The following ARSG variants were observed in gnomAD, a reference collection of about 807,000 sequenced individuals.
ARSG encodes the protein ASG.
In ARSG, 37 loss-of-function variants were observed where a neutral mutation model predicts 50.5. The ratio of observed to expected loss-of-function variants is 0.73; its 90% CI spans 0.56 to 0.96. The LOEUF is 0.96. Ranked by LOEUF, ARSG falls within the 50% of genes least tolerant of loss-of-function variation. ARSG has a pLI of 0.00. For synonymous variants in ARSG, 225 were observed against 254.6 expected (o/e 0.88, Z 1.11); for missense variants, 629 against 675.3 (o/e 0.93, Z 0.76).
chr17:68,435,143 G>T, the ARSG span, among the ~76,000 whole-genome samples: 99 of 151,028 alleles, frequency 6.6e-4, no homozygotes, highest in Middle Eastern at 0.014. Flanking sequence ...GGAGGCGGAG[G>T]TTGCAGTGAG....
chr17:68,275,197 T>C lies in ARSG; in HGVS notation c.-552+15771T>C, dbSNP rs151232003. Among the ~76,000 whole-genome samples, 293 of 152,366 alleles carry C rather than the reference T, an allele frequency of 1.9e-3. 2 individuals carry two copies. Among genetic ancestry groups the C allele is most frequent in the African/African-American group, 6.7e-3 (278 of 41,588 alleles). On this transcript the variant is annotated intron_variant, in intron 1 of 11. Transcript: ENST00000448504. ...CATCATTTGCTTAGCTTCTATAAGCTGTATCCCCTAGGACATTTAAATCTG... is the reference window on the plus strand; with the variant it reads ...CATCATTTGCTTAGCTTCTATAAGCCGTATCCCCTAGGACATTTAAATCTG...
At chr17:68,393,881 A>AT (rs1244325058) in intron 9 of ARSG, among the ~76,000 whole-genome samples, 1 of 150,806 alleles carries the variant, frequency 6.6e-6, no homozygotes, top group Non-Finnish European at 1.5e-5. Flanking sequence ...AAAAAAAAAA[A>AT]GGGAAAGAAA....
chr17:68,425,093 CCCGAG>C (rs1383340890), downstream of ARSG, among the ~76,000 whole-genome samples: 1 of 152,226 alleles, frequency 6.6e-6, no homozygotes, highest in Non-Finnish European at 1.5e-5. Context: ...CTCAGCCAGC[CCCGAG>C]GGCCCTAGCT....
chr17:68,345,019 G>C (rs2078442504), intron 3 of ARSG, among the ~76,000 whole-genome samples: 1 of 152,184 alleles, frequency 6.6e-6, no homozygotes, highest in South Asian at 2.1e-4. Flanking sequence ...CAGGCTGTAG[G>C]AGAGACCAAT....
chr17:68,323,780 A>G (rs191243394), intron 2 of ARSG, among the ~76,000 whole-genome samples: 35 of 152,288 alleles, frequency 2.3e-4, no homozygotes, highest in Middle Eastern at 3.4e-3. Context: ...ACTGTCAAAG[A>G]TCAATCCACA....
chr17:68,419,298 C>T (rs1012570135), intron 11 of ARSG, among the ~76,000 whole-genome samples: 28 of 152,296 alleles, frequency 1.8e-4, no homozygotes, highest in South Asian at 1.0e-3. Context: ...TGGTGGCTCA[C>T]GCCTGTAATC....
chr17:68,310,080 T>A (rs1033370654), intron 2 of ARSG, among the ~76,000 whole-genome samples: 18 of 151,328 alleles, frequency 1.2e-4, no homozygotes, highest in Admixed American at 4.6e-4. Context: ...TTCAAGCGAT[T>A]CTCCTGCCTC....
intron 1 of ARSG, among the ~76,000 whole-genome samples, chr17:68,260,134 A>G (rs1205676735): frequency 6.6e-6 from 1 of 152,236 alleles, no homozygotes; most frequent in Admixed American, 6.5e-5. Flanking sequence ...TTTGGAAAGC[A>G]GAGTCGTAAA....
chr17:68,329,559 CAGTCTA>C (rs1357505410), intron 2 of ARSG, among the ~76,000 whole-genome samples: 2 of 152,162 alleles, frequency 1.3e-5, no homozygotes, highest in Non-Finnish European at 2.9e-5. Context: ...GAGATGAGCA[CAGTCTA>C]AGAAAACTTT....
At chr17:68,305,174 TA>T (rs147439394) in intron 1 of ARSG, among the ~76,000 whole-genome samples, 1,784 of 152,298 alleles carry the variant, frequency 0.012, 30 homozygotes, top group African/African-American at 0.041. Context: ...CTTGCAAATT[TA>T]GGGCTTTTAA....
chr17:68,434,070 C>G, the ARSG span, among the ~76,000 whole-genome samples: 1 of 151,944 alleles, frequency 6.6e-6, no homozygotes, highest in African/African-American at 2.4e-5. Flanking sequence ...GCGCCCGGCC[C>G]ATAGTCTTAT....
intron 2 of ARSG, among the ~76,000 whole-genome samples, chr17:68,333,630 A>AT (rs1457832621): frequency 0.011 from 1,034 of 93,922 alleles, 15 homozygotes; most frequent in African/African-American, 0.034. Context: ...CTCTGTCTCA[A>AT]AAATAATAAT....
the ARSG span, among the ~76,000 whole-genome samples, chr17:68,449,619 C>T: frequency 3.9e-5 from 6 of 152,142 alleles, no homozygotes; most frequent in Non-Finnish European, 7.3e-5. Context: ...GTAGTACCCC[C>T]CACCCGTCTC....
intron 4 of ARSG, among the ~76,000 whole-genome samples, chr17:68,350,773 A>G (rs2078724475): frequency 6.6e-6 from 1 of 150,992 alleles, no homozygotes; most frequent in African/African-American, 2.4e-5. Flanking sequence ...TGACAGAGCG[A>G]GACTCCGTCT....
At chr17:68,326,801 C>T (rs574193388) in intron 2 of ARSG, among the ~76,000 whole-genome samples, 2 of 152,280 alleles carry the variant, frequency 1.3e-5, no homozygotes, top group African/African-American at 4.8e-5. Context: ...CCACCTTTCC[C>T]GTGTTGTGTC....
intron 1 of ARSG, among the ~76,000 whole-genome samples, chr17:68,280,929 A>G (rs1555752511): frequency 6.6e-6 from 1 of 152,156 alleles, no homozygotes; most frequent in African/African-American, 2.4e-5. Context: ...GTTTGAGACC[A>G]GCCTGGGCAA....
chr17:68,326,493 C>T (rs545728702), intron 2 of ARSG, among the ~76,000 whole-genome samples: 45 of 152,260 alleles, frequency 3.0e-4, no homozygotes, highest in African/African-American at 1.0e-3. Flanking sequence ...GGTGAAACTC[C>T]GTCTCTACTC....
At chr17:68,359,617 G>T (rs1203598407) in intron 6 of ARSG, 2 of 152,236 alleles carry the variant, frequency 1.3e-5, no homozygotes, top group African/African-American at 4.8e-5. Flanking sequence ...GACTCTACCT[G>T]TGGCTAAGTG....
At chr17:68,444,396 A>T in the ARSG span, 1 of 1,107,338 alleles carries the variant, frequency 9.0e-7, no homozygotes, top group Non-Finnish European at 1.3e-6. Context: ...AAAAGCAAAC[A>T]CTGCTTCACG....
Sources: allele counts gnomAD v4.1 joint callset (sites outside exome capture counted in the v4.1 genomes callset), GRCh38; gene constraint gnomAD v4.1.1; transcripts MANE v1.5; gene names NCBI Gene and HGNC (gene_info 2026-07-23, HGNC 2026-07-21).